INPP5J: variants seen among roughly 807,000 people sequenced by gnomAD.
INPP5J encodes the protein inositol polyphosphate-5-phosphatase J, also known as phosphatidylinositol 4,5-bisphosphate 5-phosphatase A.
In INPP5J, 75 loss-of-function variants were observed where a neutral mutation model predicts 86.6. The observed-to-expected ratio is 0.87, with a 90% CI of 0.72 to 1.05. INPP5J has a LOEUF of 1.05. INPP5J is among the 50% of genes least tolerant of loss of function. The pLI, the probability that INPP5J is intolerant of heterozygous loss-of-function variation, is 0.00. For synonymous variants in INPP5J, 540 were observed against 550.0 expected, an observed-to-expected ratio of 0.98 and a Z score of 0.25; for missense variants, 1,229 against 1,341.2, an observed-to-expected ratio of 0.92 and a Z score of 1.31.
intron 12 of INPP5J, 25 bp from the exon 13 acceptor site, chr22:31,133,887 GC>G: frequency 6.2e-7 from 1 of 1,603,074 alleles, no homozygotes; most frequent in Non-Finnish European, 8.5e-7. Context: ...GGAGCAGGGC[GC>G]CCCAGTGACC....
chr22:31,128,593 G>GCAGC lies in INPP5J; in HGVS notation c.2135_2138dup (p.His713GlnfsTer37). On this transcript the variant is annotated frameshift_variant, in exon 9 of 13. Transcript: ENST00000331075. LOFTEE classifies it high-confidence loss of function. ...CTCCAGGTGACGCAGCACAGCTACC[G>GCAGC]CAGCCACATGGAATACACAGTCAGC... 6.2e-7 allele frequency: 1 copy of GCAGC among 1,612,542 alleles called. No homozygotes were observed. The highest frequency in any genetic ancestry group is 8.5e-7 in the Non-Finnish European group (1 of 1,179,434).
At chr22:31,131,080 G>A (rs925804775) in intron 9 of INPP5J, among the ~76,000 whole-genome samples, 1 of 152,188 alleles carries the variant, frequency 6.6e-6, no homozygotes, top group Non-Finnish European at 1.5e-5. Flanking sequence ...TTGTCACATG[G>A]CCAGTCAGTG....
chr22:31,122,883 C>G, upstream of INPP5J: 1 of 614,818 alleles, frequency 1.6e-6, no homozygotes, highest in Non-Finnish European at 2.6e-6. Context: ...TCGGCCTCTT[C>G]CAGGCTGGGA....
chr22:31,133,831 C>A, intron 12 of INPP5J, 82 bp from the exon 13 acceptor site: 3 of 1,590,410 alleles, frequency 1.9e-6, no homozygotes, highest in Non-Finnish European at 2.6e-6. Flanking sequence ...GATCTGCCAA[C>A]GAGAGAGGCA....
intron 1 of INPP5J, chr22:31,124,358 G>A: frequency 2.2e-6 from 2 of 912,788 alleles, no homozygotes; most frequent in East Asian, 2.3e-4. Flanking sequence ...GAAGGGAGAG[G>A]TATTTAACAA....
chr22:31,127,162 C>G, intron 5 of INPP5J, 125 bp downstream of exon 5: 3 of 814,340 alleles, frequency 3.7e-6, no homozygotes, highest in South Asian at 3.3e-5. Context: ...CCCAGCCCCC[C>G]CATGCACCAC....
chr22:31,128,471 T>C lies in INPP5J; in HGVS notation c.2010T>C (p.Ser670=). 3 of 1,613,216 alleles carry C rather than the reference T, an allele frequency of 1.9e-6. No homozygotes were observed. Among genetic ancestry groups the C allele is most frequent in the Non-Finnish European group, 2.5e-6 (3 of 1,179,778 alleles). Residue 670 remains serine (S), a splice_region_variant and synonymous_variant, in exon 9 of 13, where the codon AGT becomes AGC. Transcript: ENST00000331075. ...CTTGGGGTACCCCTGCTCACTGCAGTGCCAAGAAACGGAAGCCAGCTTGGA... is the reference window on the plus strand; with the variant it reads ...CTTGGGGTACCCCTGCTCACTGCAGCGCCAAGAAACGGAAGCCAGCTTGGA... ...FDVGTNKYDT[S]AKKRKPAWTD...
At chr22:31,126,334 G>C (rs1357544957) in intron 2 of INPP5J, 42 bp from the exon 3 acceptor site, 1 of 1,462,014 alleles carries the variant, frequency 6.8e-7, no homozygotes, top group Non-Finnish European at 9.5e-7. Flanking sequence ...GAGGGTGAGG[G>C]AGTGGTGCCA....
At position 31,134,420 on chromosome 22, in the gene INPP5J, G is replaced by A; in HGVS notation, c.*1G>A. The A allele has an allele frequency of 6.9e-7, 1 of 1,452,916 alleles. No individual in the cohort carries two copies. Among genetic ancestry groups the A allele is most frequent in the Non-Finnish European group, 9.1e-7 (1 of 1,102,258 alleles). The allele number at this position is 1,452,916 out of a possible 1,614,324, so 90.0% of individuals were successfully genotyped here. On this transcript the variant is annotated 3_prime_UTR_variant, in exon 13 of 13. Transcript: ENST00000331075. ...GGAGGAAGGGGGCCTGGGGCCCTGA[G>A]GGTGGGGTAGGCAGATGGGCCAAGG...
chr22:31,133,636 C>G lies in INPP5J; in HGVS notation c.2436C>G (p.Pro812=), dbSNP rs1051781498. 2 of 1,612,536 alleles carry G rather than the reference C, an allele frequency of 1.2e-6. No homozygotes were observed. Among genetic ancestry groups the G allele is most frequent in the Non-Finnish European group, 1.7e-6 (2 of 1,179,306 alleles). The stretch of plus-strand genomic sequence containing the variant: ...TAACATTCAGTGAGGAATCACTGCC[C>G]AAGGGCCATGGAGACTTCATCCTGG... The part of the protein sequence containing the change: ...YQVTFSEESL[P]KGHGDFILGY... The change falls in exon 12 of 13, where the codon CCC becomes CCG. Residue 812 remains proline (P), a synonymous_variant. Transcript: ENST00000331075.
At position 31,125,331 on chromosome 22, in the gene INPP5J, C is replaced by T. The variant is rs1352342259; in HGVS notation, c.592C>T (p.Leu198Phe). Reference sequence around the variant, plus strand: ...GGCTTCTGAGGAGCAGCCCCCAGAACTCCCCTCCACCCCTTCCCCGGTGCC... The same window carrying T: ...GGCTTCTGAGGAGCAGCCCCCAGAATTCCCCTCCACCCCTTCCCCGGTGCC... Reference protein sequence around the residue: ...ALASEEQPPELPSTPSPVPSP... With the variant: ...ALASEEQPPEFPSTPSPVPSP... The change falls in exon 2 of 13, where the codon CTC (leucine) becomes TTC (phenylalanine). Residue 198 changes from leucine to phenylalanine, a missense_variant. Physicochemically the swap from Leu to Phe is conservative, Grantham distance 22. Transcript: ENST00000331075. The T allele has an allele frequency of 1.0e-5, 16 of 1,550,414 alleles. No homozygotes were observed. Among genetic ancestry groups the T allele is most frequent in the African/African-American group, 1.4e-5 (1 of 73,016 alleles).
chr22:31,124,466 C>A (rs1921155498), intron 1 of INPP5J, among the ~76,000 whole-genome samples: 1 of 152,174 alleles, frequency 6.6e-6, no homozygotes, highest in Non-Finnish European at 1.5e-5. Flanking sequence ...GTAGCCGTGG[C>A]TGGGGGAGCT....
Position 31,133,203 on chromosome 22 carries a change from C to T in INPP5J, c.2299C>T (p.Arg767Cys), listed in dbSNP as rs775514747. 7 of 1,603,904 alleles carry T rather than the reference C, an allele frequency of 4.4e-6. No individual in the cohort carries two copies. The African/African-American group carries it at 5.3e-5, about 12-fold the overall frequency. ...GTACCGCATGGAAACAGTGTTCGCC[C>T]GCAGCTCCTGGGACTGGATCGGCTT... ...VRYRMETVFA[R>C]SSWDWIGLYR... is the part of the protein sequence containing the mutation. The change falls in exon 10 of 13, where the codon CGC becomes TGC. Residue 767 changes from arginine to cysteine, a missense_variant. Transcript: ENST00000331075.
Position 31,133,235 on chromosome 22 carries a change from G to T in INPP5J, c.2331G>T (p.Arg777=). 1 of 1,606,526 alleles carries T rather than the reference G, an allele frequency of 6.2e-7. No individual in the cohort carries two copies. The highest frequency in any genetic ancestry group is 8.5e-7 in the Non-Finnish European group (1 of 1,178,096). The change falls in exon 10 of 13, where the codon CGG becomes CGT. Residue 777 remains arginine, a splice_region_variant and synonymous_variant. Coordinates refer to ENST00000331075, the MANE Select transcript of INPP5J (RefSeq NM_001284285.2). ...RSSWDWIGLY[R]VGFRHCKDYV... is the part of the protein sequence containing the mutation. ...CCTGGGACTGGATCGGCTTATACCG[G>T]GTGAGAGGGGCAGTGGTGGTCAGCG...
intron 9 of INPP5J, among the ~76,000 whole-genome samples, chr22:31,130,839 A>ATC (rs1922004425): frequency 6.6e-6 from 1 of 152,172 alleles, no homozygotes; most frequent in Non-Finnish European, 1.5e-5. Context: ...AAATCCTAGA[A>ATC]TCTCAGAACC....
chr22:31,133,538 A>T, intron 11 of INPP5J, 55 bp downstream of exon 11: 1 of 1,596,842 alleles, frequency 6.3e-7, no homozygotes, highest in Non-Finnish European at 8.6e-7. Flanking sequence ...TTGGGACCTC[A>T]GAACTCACCT....
intron 6 of INPP5J, 164 bp downstream of exon 6, chr22:31,127,696 G>A (rs1386667163): frequency 6.2e-6 from 5 of 801,410 alleles, no homozygotes; most frequent in East Asian, 2.7e-5. Flanking sequence ...GGATGGGGAG[G>A]GGCGGAGCTT....
chr22:31,128,761 AGCATCCATTTGTTGTAACAGTGGAAATGG>A (rs1921764101), intron 9 of INPP5J, 107 bp downstream of exon 9: 13 of 968,664 alleles, frequency 1.3e-5, no homozygotes, highest in Non-Finnish European at 1.8e-5. Flanking sequence ...TGCCCTCAGC[AGCATCCATTTGTTGTAACAGTGGAAATGG>A]GGTTGCAATC....
intron 10 of INPP5J, 39 bp downstream of exon 10, chr22:31,133,274 A>G: frequency 6.2e-7 from 1 of 1,602,962 alleles, no homozygotes; most frequent in Non-Finnish European, 8.5e-7. Flanking sequence ...CAGGGAAGAA[A>G]GGGGCCTGGA....
Sources: gnomAD v4.1 joint callset for allele counts (sites outside exome capture counted in the v4.1 genomes callset) on GRCh38, gnomAD v4.1.1 for gene constraint, MANE v1.5 for transcripts, NCBI Gene and HGNC (gene_info 2026-07-23, HGNC 2026-07-21) for gene names.